The following NOL4 variants were observed in gnomAD, a reference collection of about 807,000 sequenced individuals.
NOL4 encodes cancer/testis antigen 125.
Under a neutral mutation model 75.9 loss-of-function variants are expected in NOL4, and 17 were observed. That is an observed-to-expected ratio of 0.22 (90% CI 0.15 to 0.34). NOL4 has a LOEUF of 0.34. Ranked by LOEUF, NOL4 falls within the 10% of genes least tolerant of loss-of-function variation. NOL4 has a pLI of 1.00. For synonymous variants in NOL4, 292 were observed against 289.9 expected (o/e 1.01, Z -0.07); for missense variants, 614 against 793.5 (o/e 0.77, Z 2.72).
rs558269493 is a variant in NOL4 at position 34,009,262 on chromosome 18, A to G, written c.1056+10056T>C. 2.0e-5 allele frequency among the ~76,000 whole-genome samples: 3 copies of G among 152,046 alleles called. No homozygotes were observed. In the East Asian group the frequency reaches 5.8e-4, roughly 30 times the overall value. On this transcript the variant is annotated intron_variant, in intron 6 of 10. Coordinates refer to ENST00000261592, the MANE Select transcript of NOL4 (RefSeq NM_003787.5). ...CTATAAAATGCCTCTGGGAATGTGT[A>G]TATTCCAGATTCCTGGATAATAAGT... is the stretch of plus-strand genomic sequence containing the variant.
chr18:33,929,874 T>A (rs2067574775), intron 9 of NOL4, among the ~76,000 whole-genome samples: 1 of 152,088 alleles, frequency 6.6e-6, no homozygotes, highest in Non-Finnish European at 1.5e-5. Flanking sequence ...CATGGAAAAT[T>A]TAGAAGTTTA....
intron 4 of NOL4, 78 bp downstream of exon 4, chr18:34,103,969 A>C (rs1287797186): frequency 1.1e-6 from 1 of 928,878 alleles, no homozygotes; most frequent in East Asian, 2.4e-5. Context: ...AAATGCCATC[A>C]TGCTTAATAT....
At chr18:34,137,008 C>T (rs1289098722) in intron 1 of NOL4, among the ~76,000 whole-genome samples, 2 of 152,088 alleles carry the variant, frequency 1.3e-5, no homozygotes, top group Non-Finnish European at 2.9e-5. Flanking sequence ...ATAAAGCCTT[C>T]CATTTATTCA....
At chr18:33,902,778 C>T (rs982384327) in intron 9 of NOL4, among the ~76,000 whole-genome samples, 1 of 152,054 alleles carries the variant, frequency 6.6e-6, no homozygotes, top group Non-Finnish European at 1.5e-5. Flanking sequence ...TTTTTCGTAA[C>T]TGGCCTAAAA....
intron 6 of NOL4, among the ~76,000 whole-genome samples, chr18:33,992,699 C>A (rs886925981): frequency 1.3e-5 from 2 of 151,958 alleles, no homozygotes; most frequent in African/African-American, 2.4e-5. Context: ...CTCCTTATTG[C>A]TAAAGCCAAG....
At chr18:33,937,399 C>T (rs2068127648) in intron 9 of NOL4, among the ~76,000 whole-genome samples, 1 of 152,094 alleles carries the variant, frequency 6.6e-6, no homozygotes, top group Admixed American at 6.6e-5. Context: ...GAAAGACATA[C>T]ATAATTACAT....
At chr18:33,988,430 A>T (rs2146076952) in intron 6 of NOL4, among the ~76,000 whole-genome samples, 1 of 152,210 alleles carries the variant, frequency 6.6e-6, no homozygotes, top group East Asian at 1.9e-4. Flanking sequence ...TTTGGGAAAG[A>T]TTACTCAACC....
At position 34,032,175 on chromosome 18, in the gene NOL4, C is replaced by T. The variant is rs146947881; in HGVS notation, c.773-12574G>A. Among the ~76,000 whole-genome samples the T allele has an allele frequency of 2.9e-3, 439 of 152,308 alleles. 1 individual carries two copies. The highest frequency in any genetic ancestry group is 8.0e-3 in the Admixed American group (123 of 15,304). ...CCACAGCAGGTCTTAGGTATGAATT[C>T]TACTAAAGCTTGGGTGCAAGTGGTG... On this transcript the variant is annotated intron_variant, in intron 5 of 10. Transcript: ENST00000261592.
intron 1 of NOL4, among the ~76,000 whole-genome samples, chr18:34,166,551 C>T (rs1407685252): frequency 1.3e-5 from 2 of 151,974 alleles, no homozygotes; most frequent in East Asian, 3.9e-4. Flanking sequence ...TGGTAAATGT[C>T]CATAAATGCA....
At chr18:34,175,296 C>T (rs899819763) in intron 1 of NOL4, among the ~76,000 whole-genome samples, 3 of 152,130 alleles carry the variant, frequency 2.0e-5, no homozygotes, top group African/African-American at 7.2e-5. Flanking sequence ...ACTTGGATTT[C>T]ACCCAGTGTG....
chr18:33,988,398 T>C (rs574135499), intron 6 of NOL4, among the ~76,000 whole-genome samples: 63 of 152,182 alleles, frequency 4.1e-4, no homozygotes, highest in Middle Eastern at 3.4e-3. Flanking sequence ...CATAAAAAGA[T>C]ACTTGAGACC....
At chr18:33,939,349 T>C (rs2068300249) in intron 9 of NOL4, among the ~76,000 whole-genome samples, 1 of 152,160 alleles carries the variant, frequency 6.6e-6, no homozygotes, top group Non-Finnish European at 1.5e-5. Context: ...TAACAATGAA[T>C]CTATAAATTA....
chr18:33,934,862 G>GTTTTT (rs869081039), intron 9 of NOL4, among the ~76,000 whole-genome samples: 5 of 118,316 alleles, frequency 4.2e-5, no homozygotes, highest in Admixed American at 8.4e-5. Flanking sequence ...GGAGTAGCAC[G>GTTTTT]TTTTTTTTTT....
At chr18:33,964,605 T>G (rs979074857) in intron 6 of NOL4, among the ~76,000 whole-genome samples, 9 of 152,178 alleles carry the variant, frequency 5.9e-5, no homozygotes, top group African/African-American at 1.2e-4. Context: ...CAAAATGTGC[T>G]GGTTGCACTA....
intron 1 of NOL4, among the ~76,000 whole-genome samples, chr18:34,214,162 T>C (rs1005868425): frequency 6.6e-6 from 1 of 152,202 alleles, no homozygotes; most frequent in East Asian, 1.9e-4. Context: ...AGAGGCAATA[T>C]GGTGTTATAA....
chr18:33,982,302 G>A (rs1011920456), intron 6 of NOL4, among the ~76,000 whole-genome samples: 1 of 151,990 alleles, frequency 6.6e-6, no homozygotes, highest in Non-Finnish European at 1.5e-5. Context: ...CCAACCACAT[G>A]CTGTCCACAA....
At chr18:33,983,906 T>G (rs1316469764) in intron 6 of NOL4, among the ~76,000 whole-genome samples, 1 of 151,972 alleles carries the variant, frequency 6.6e-6, no homozygotes, top group Non-Finnish European at 1.5e-5. Flanking sequence ...TAATTAAAAA[T>G]TAACAATAGA....
intron 10 of NOL4, among the ~76,000 whole-genome samples, chr18:33,863,823 TAATG>T (rs2063299886): frequency 6.6e-6 from 1 of 152,182 alleles, no homozygotes; most frequent in Non-Finnish European, 1.5e-5. Flanking sequence ...CACACAGCCC[TAATG>T]GAGGTTCTCC....
At chr18:33,942,946 AACT>A in intron 9 of NOL4, 116 bp downstream of exon 9, 1 of 652,162 alleles carries the variant, frequency 1.5e-6, no homozygotes, top group Non-Finnish European at 2.6e-6. Flanking sequence ...AGGACACAAA[AACT>A]ATATCTCTGT....
Sources: gnomAD v4.1 joint callset for allele counts (sites outside exome capture counted in the v4.1 genomes callset) on GRCh38, gnomAD v4.1.1 for gene constraint, MANE v1.5 for transcripts, NCBI Gene and HGNC (gene_info 2026-07-23, HGNC 2026-07-21) for gene names.